The following FMNL2 variants were observed in gnomAD, a reference collection of about 807,000 sequenced individuals.
The protein encoded by FMNL2 is formin-like protein 2.
FMNL2 carries 51 observed loss-of-function variants against 130.2 expected under a neutral mutation model. That is an observed-to-expected ratio of 0.39 (90% confidence interval 0.31 to 0.49). The LOEUF is 0.49. Ranked by LOEUF, FMNL2 falls within the 20% of genes least tolerant of loss-of-function variation. FMNL2 has a pLI of 0.85. For missense variants in FMNL2, 977 were observed against 1,316.2 expected, an observed-to-expected ratio of 0.74 and a Z score of 3.99; for synonymous variants, 465 against 467.1, an observed-to-expected ratio of 1.00 and a Z score of 0.06.
intron 1 of FMNL2, among the ~76,000 whole-genome samples, chr2:152,469,388 C>A (rs1215862001): frequency 1.3e-5 from 2 of 152,240 alleles, no homozygotes; most frequent in East Asian, 3.8e-4. Context: ...ATTGTCAACA[C>A]CTCTCATTAT....
At chr2:152,531,430 A>G (rs918874513) in intron 2 of FMNL2, among the ~76,000 whole-genome samples, 1 of 152,006 alleles carries the variant, frequency 6.6e-6, no homozygotes, top group East Asian at 1.9e-4. Context: ...GCTAATTTGA[A>G]GGGGTGTTTG....
At chr2:152,428,064 C>A (rs1687289013) in intron 1 of FMNL2, among the ~76,000 whole-genome samples, 1 of 152,208 alleles carries the variant, frequency 6.6e-6, no homozygotes, top group South Asian at 2.1e-4. Context: ...TGCCACATTC[C>A]CCCTTTGTAA....
intron 9 of FMNL2, among the ~76,000 whole-genome samples, chr2:152,586,783 G>A (rs1226235723): frequency 1.3e-5 from 2 of 152,188 alleles, no homozygotes; most frequent in African/African-American, 2.4e-5. Flanking sequence ...TGTGGTGTTA[G>A]TGCTGCTGAG....
intron 1 of FMNL2, among the ~76,000 whole-genome samples, chr2:152,351,597 A>G (rs1198227515): frequency 1.3e-5 from 2 of 152,172 alleles, no homozygotes; most frequent in Non-Finnish European, 2.9e-5. Flanking sequence ...TATCCAGTCT[A>G]TCATTGATGG....
At chr2:152,579,207 T>C (rs1696640826) in intron 8 of FMNL2, among the ~76,000 whole-genome samples, 1 of 152,204 alleles carries the variant, frequency 6.6e-6, no homozygotes, top group Admixed American at 6.5e-5. Flanking sequence ...TTTTGTTCTT[T>C]TGAGGCCTGG....
At chr2:152,618,276 G>A (rs1699055923) in intron 13 of FMNL2, among the ~76,000 whole-genome samples, 1 of 152,188 alleles carries the variant, frequency 6.6e-6, no homozygotes, top group Non-Finnish European at 1.5e-5. Context: ...CATTACCGAT[G>A]GGAAAATGTT....
At chr2:152,530,225 A>G (rs1693613270) in intron 2 of FMNL2, among the ~76,000 whole-genome samples, 1 of 152,238 alleles carries the variant, frequency 6.6e-6, no homozygotes, top group Non-Finnish European at 1.5e-5. Flanking sequence ...TAAGCAAATT[A>G]AAATGATTTA....
At chr2:152,575,943 G>A (rs911543907) in intron 7 of FMNL2, among the ~76,000 whole-genome samples, 59 of 152,110 alleles carry the variant, frequency 3.9e-4, no homozygotes, top group African/African-American at 1.4e-3. Flanking sequence ...TGGAAGTTAC[G>A]GTGGAACACG....
At chr2:152,434,848 C>T (rs1260662710) in intron 1 of FMNL2, among the ~76,000 whole-genome samples, 1 of 151,958 alleles carries the variant, frequency 6.6e-6, no homozygotes, top group Non-Finnish European at 1.5e-5. Flanking sequence ...TTTGGCAGGG[C>T]CAGCTGCAGA....
chr2:152,564,900 C>A (rs991941015), intron 6 of FMNL2, among the ~76,000 whole-genome samples: 6 of 148,674 alleles, frequency 4.0e-5, no homozygotes, highest in Non-Finnish European at 8.9e-5. Flanking sequence ...ATAACATACC[C>A]CTTGAGTCAT....
intron 1 of FMNL2, among the ~76,000 whole-genome samples, chr2:152,458,567 G>C (rs1689076837): frequency 6.6e-6 from 1 of 152,162 alleles, no homozygotes; most frequent in Admixed American, 6.5e-5. Flanking sequence ...ACCTAGTACT[G>C]TTATTTAACT....
chr2:152,507,691 C>T (rs1342972992), intron 1 of FMNL2, among the ~76,000 whole-genome samples: 1 of 152,116 alleles, frequency 6.6e-6, no homozygotes, highest in Non-Finnish European at 1.5e-5. Flanking sequence ...TCTGCAGCCA[C>T]AGCCTCTTCT....
intron 15 of FMNL2, among the ~76,000 whole-genome samples, chr2:152,623,659 G>C (rs1191466227): frequency 1.3e-5 from 2 of 152,146 alleles, no homozygotes; most frequent in Admixed American, 6.5e-5. Context: ...AAGCGCTGAA[G>C]TTCTCCTCCC....
chr2:152,647,740 T>C, intron 25 of FMNL2, 56 bp from the exon 26 acceptor site: 1 of 1,562,684 alleles, frequency 6.4e-7, no homozygotes, highest in Non-Finnish European at 8.8e-7. Flanking sequence ...TTTGTCCTGC[T>C]TAGACACATG....
intron 2 of FMNL2, among the ~76,000 whole-genome samples, chr2:152,537,892 A>T (rs1694083309): frequency 1.2e-5 from 1 of 86,810 alleles, no homozygotes; most frequent in Admixed American, 1.1e-4. Context: ...CCTTACACAT[A>T]CACACACACA....
chr2:152,490,243 T>A (rs1691072774), intron 1 of FMNL2, among the ~76,000 whole-genome samples: 1 of 149,178 alleles, frequency 6.7e-6, no homozygotes, highest in Admixed American at 6.7e-5. Flanking sequence ...CAGTAGGGAA[T>A]GAGTTTACAA....
intron 1 of FMNL2, among the ~76,000 whole-genome samples, chr2:152,338,405 CAA>C (rs1681601296): frequency 6.6e-6 from 1 of 152,024 alleles, no homozygotes. Context: ...GAGAAGTAAA[CAA>C]AAATTAAAAT....
At chr2:152,469,903 T>C (rs1689764079) in intron 1 of FMNL2, among the ~76,000 whole-genome samples, 1 of 152,214 alleles carries the variant, frequency 6.6e-6, no homozygotes, top group African/African-American at 2.4e-5. Flanking sequence ...GGCTGTATAC[T>C]GCATTTTAGA....
rs76063960 is a variant in FMNL2 at position 152,437,171 on chromosome 2, C to T, written c.118-84772C>T. On this transcript the variant is annotated intron_variant, in intron 1 of 25. Coordinates refer to ENST00000288670, the MANE Select transcript of FMNL2 (RefSeq NM_052905.4). ...TGAATTAATTATTTCCCAGAGGCCCCATCTCAAAATACCATCACATTGGAG... is the reference window on the plus strand; with the variant it reads ...TGAATTAATTATTTCCCAGAGGCCCTATCTCAAAATACCATCACATTGGAG... 1.5e-3 allele frequency among the ~76,000 whole-genome samples: 233 copies of T among 152,248 alleles called. 2 individuals carry two copies. Among genetic ancestry groups the T allele is most frequent in the African/African-American group, 5.2e-3 (217 of 41,554 alleles).
Sources: gnomAD v4.1 joint callset for allele counts (sites outside exome capture counted in the v4.1 genomes callset) on GRCh38, gnomAD v4.1.1 for gene constraint, MANE v1.5 for transcripts, NCBI Gene and HGNC (gene_info 2026-07-23, HGNC 2026-07-21) for gene names.